SLC9D1: variants seen among roughly 807,000 people sequenced by gnomAD.
SLC9D1 encodes putative LAG1-interacting protein.
the SLC9D1 span, among the ~76,000 whole-genome samples, chr13:113,494,668 A>T: frequency 3.9e-5 from 6 of 151,988 alleles, no homozygotes; most frequent in African/African-American, 1.5e-4. Flanking sequence ...ATATATATAT[A>T]TATTTTTAAT....
the SLC9D1 span, among the ~76,000 whole-genome samples, chr13:113,525,712 C>T: frequency 3.3e-5 from 5 of 151,768 alleles, no homozygotes; most frequent in African/African-American, 1.2e-4. Flanking sequence ...CCATCGTCAT[C>T]GTAGGAGACG....
At chr13:113,549,770 A>G in the SLC9D1 span, 5 of 695,972 alleles carry the variant, frequency 7.2e-6, no homozygotes, top group Admixed American at 2.1e-5. Context: ...GACCCGGGAC[A>G]CTGCGTTTTA....
chr13:113,510,566 A>G, the SLC9D1 span: 1 of 719,758 alleles, frequency 1.4e-6, no homozygotes, highest in East Asian at 2.7e-5. Flanking sequence ...GGTGGATACC[A>G]GGGCTTACAT....
chr13:113,497,272 G>T, the SLC9D1 span, among the ~76,000 whole-genome samples: 1 of 152,220 alleles, frequency 6.6e-6, no homozygotes, highest in East Asian at 1.9e-4. Flanking sequence ...TGTGAGACCA[G>T]CTGTGTGCAA....
At chr13:113,534,304 T>G in the SLC9D1 span, 15 of 1,340,726 alleles carry the variant, frequency 1.1e-5, no homozygotes, top group Non-Finnish European at 1.6e-5. Flanking sequence ...TGAAATCTTG[T>G]GATCCATTCT....
chr13:113,503,544 C>G, the SLC9D1 span: 4 of 1,613,846 alleles, frequency 2.5e-6, no homozygotes, highest in African/African-American at 2.7e-5. Context: ...GTTTTTTACT[C>G]TTTTTCTTGT....
chr13:113,492,974 GT>G, the SLC9D1 span, among the ~76,000 whole-genome samples: 1 of 152,178 alleles, frequency 6.6e-6, no homozygotes, highest in Admixed American at 6.5e-5. Context: ...AGCTAAAGAT[GT>G]TTACTAATTT....
chr13:113,512,318 G>C, the SLC9D1 span, among the ~76,000 whole-genome samples: 1 of 111,740 alleles, frequency 8.9e-6, no homozygotes, highest in Non-Finnish European at 1.8e-5. Context: ...TCAGGGGCCG[G>C]GACTGGAGAG....
the SLC9D1 span, chr13:113,534,358 A>C: frequency 3.5e-6 from 3 of 856,674 alleles, no homozygotes; most frequent in South Asian, 1.7e-5. Context: ...TGAAACATTT[A>C]CTAGTATTTT....
the SLC9D1 span, among the ~76,000 whole-genome samples, chr13:113,544,340 C>T: frequency 1.3e-5 from 2 of 152,174 alleles, no homozygotes; most frequent in Non-Finnish European, 2.9e-5. Context: ...GCTGCTGCGC[C>T]GAAGGATGGC....
chr13:113,496,624 G>A, the SLC9D1 span, among the ~76,000 whole-genome samples: 1 of 152,156 alleles, frequency 6.6e-6, no homozygotes, highest in African/African-American at 2.4e-5. Context: ...ACTATACCAA[G>A]CATCATGCCA....
At chr13:113,520,922 G>A in the SLC9D1 span, among the ~76,000 whole-genome samples, 1 of 152,186 alleles carries the variant, frequency 6.6e-6, no homozygotes, top group African/African-American at 2.4e-5. Flanking sequence ...CCACGGGCAG[G>A]TGACTTATCC....
the SLC9D1 span, chr13:113,495,389 A>G: frequency 1.9e-6 from 1 of 513,196 alleles, no homozygotes; most frequent in Non-Finnish European, 3.4e-6. Context: ...TTTATCTAGG[A>G]AAAATGAGAA....
At chr13:113,510,281 T>C in the SLC9D1 span, 1 of 1,614,126 alleles carries the variant, frequency 6.2e-7, no homozygotes, top group South Asian at 1.1e-5. Context: ...ATGACACTGT[T>C]AATGATTGCA....
At chr13:113,536,883 G>A in the SLC9D1 span, among the ~76,000 whole-genome samples, 1 of 152,248 alleles carries the variant, frequency 6.6e-6, no homozygotes, top group Non-Finnish European at 1.5e-5. Context: ...CCGTAGCCAT[G>A]ACGTGGGTTT....
the SLC9D1 span, among the ~76,000 whole-genome samples, chr13:113,499,769 T>A: frequency 1.3e-5 from 2 of 152,208 alleles, no homozygotes; most frequent in African/African-American, 4.8e-5. Flanking sequence ...GTGAAGTAGA[T>A]CTTGGAAAGT....
chr13:113,529,431 A>C, the SLC9D1 span: 2 of 152,300 alleles, frequency 1.3e-5, no homozygotes, highest in South Asian at 2.1e-4. Flanking sequence ...GGGGCGGATC[A>C]CGAGGTCAGG....
chr13:113,533,510 G>T, the SLC9D1 span, among the ~76,000 whole-genome samples: 1 of 152,220 alleles, frequency 6.6e-6, no homozygotes, highest in African/African-American at 2.4e-5. Context: ...GTGGATGTCC[G>T]CTGGCTGAGA....
At chr13:113,502,631 G>T in the SLC9D1 span, among the ~76,000 whole-genome samples, 1 of 152,218 alleles carries the variant, frequency 6.6e-6, no homozygotes, top group Non-Finnish European at 1.5e-5. Flanking sequence ...ACTTCTGACA[G>T]GGAGGAAAGG....
Sources: allele counts gnomAD v4.1 joint callset (sites outside exome capture counted in the v4.1 genomes callset), GRCh38; gene constraint gnomAD v4.1.1; transcripts MANE v1.5; gene names NCBI Gene and HGNC (gene_info 2026-07-23, HGNC 2026-07-21).